SIPA1L1: variants seen among roughly 807,000 people sequenced by gnomAD.
SIPA1L1 encodes the protein signal-induced proliferation-associated 1-like protein 1.
Under a neutral mutation model 162.7 loss-of-function variants are expected in SIPA1L1, and 26 were observed. The ratio of observed to expected loss-of-function variants is 0.16; its 90% CI spans 0.12 to 0.22. The LOEUF is 0.22. Ranked by LOEUF, SIPA1L1 falls within the 10% of genes least tolerant of loss-of-function variation. The pLI, the probability that SIPA1L1 is intolerant of heterozygous loss-of-function variation, is 1.00. For missense variants in SIPA1L1, 1,874 were observed against 2,241.0 expected, an observed-to-expected ratio of 0.84 and a Z score of 3.31; for synonymous variants, 829 against 837.4, an observed-to-expected ratio of 0.99 and a Z score of 0.17.
chr14:71,517,893 TG>T (rs1478325731), intron 3 of SIPA1L1, among the ~76,000 whole-genome samples: 13 of 152,194 alleles, frequency 8.5e-5, no homozygotes, highest in African/African-American at 3.1e-4. Flanking sequence ...ACTTATATTT[TG>T]TTGATATGAT....
chr14:71,657,894 A>T (rs1330160699), intron 8 of SIPA1L1, among the ~76,000 whole-genome samples: 1 of 152,086 alleles, frequency 6.6e-6, no homozygotes, highest in African/African-American at 2.4e-5. Context: ...CTGTGATTTC[A>T]TTGCCAATAG....
chr14:71,602,289 A>G (rs1410238549), intron 5 of SIPA1L1, among the ~76,000 whole-genome samples: 1 of 151,736 alleles, frequency 6.6e-6, no homozygotes. Flanking sequence ...AAATTTCTTC[A>G]TTTTCTTTTT....
chr14:71,673,193 C>G (rs1023801535), intron 12 of SIPA1L1, among the ~76,000 whole-genome samples: 2 of 152,184 alleles, frequency 1.3e-5, no homozygotes, highest in African/African-American at 4.8e-5. Flanking sequence ...GAAGGGAAAA[C>G]CTAAGAGCTC....
At chr14:71,563,284 A>T (rs1313434715) in intron 4 of SIPA1L1, among the ~76,000 whole-genome samples, 9 of 148,974 alleles carry the variant, frequency 6.0e-5, no homozygotes, top group Non-Finnish European at 3.0e-5. Context: ...TTTTCTTTTA[A>T]ACTTGACAAT....
Position 71,491,761 on chromosome 14 carries a change from A to AACACACACACACACACAC in SIPA1L1, c.-464-20947_-464-20930dup, listed in dbSNP as rs59275638. Among the ~76,000 whole-genome samples the AACACACACACACACACAC allele has an allele frequency of 3.2e-3, 313 of 97,928 alleles. 3 individuals are homozygous for AACACACACACACACACAC. The highest frequency in any genetic ancestry group is 8.6e-3 in the East Asian group (20 of 2,332). 64.2% of individuals were successfully genotyped at this position (97,928 alleles called of 152,430 possible). A position where few individuals can be genotyped will look rare whatever the true frequency, so the allele number is the denominator to read the frequency against. Reference sequence around the variant, plus strand: ...GTTTCAGGCTTAATGTTTTATTTCAAACACACACACACACACACACACACA... The same window carrying AACACACACACACACACAC: ...GTTTCAGGCTTAATGTTTTATTTCAAACACACACACACACACACACACACACACACACACACACACACA... On this transcript the variant is annotated intron_variant, in intron 2 of 23. Transcript: ENST00000381232.
chr14:71,564,579 A>AG (rs1301247439), intron 4 of SIPA1L1, among the ~76,000 whole-genome samples: 2 of 140,508 alleles, frequency 1.4e-5, no homozygotes, highest in African/African-American at 5.4e-5. Context: ...TCTGCCTCCC[A>AG]GGGGTTCAGG....
At chr14:71,452,731 G>A (rs1452077266) in intron 2 of SIPA1L1, among the ~76,000 whole-genome samples, 2 of 152,138 alleles carry the variant, frequency 1.3e-5, no homozygotes, top group East Asian at 3.9e-4. Flanking sequence ...CCATTCTGGT[G>A]GGTATGAAGT....
chr14:71,380,911 C>T (rs527858400), intron 2 of SIPA1L1, among the ~76,000 whole-genome samples: 1 of 152,148 alleles, frequency 6.6e-6, no homozygotes, highest in South Asian at 2.1e-4. Context: ...CCTCTTAAAG[C>T]ATATTTCACA....
chr14:71,362,393 C>T (rs1385930373), intron 2 of SIPA1L1, among the ~76,000 whole-genome samples: 1 of 152,140 alleles, frequency 6.6e-6, no homozygotes, highest in Non-Finnish European at 1.5e-5. Flanking sequence ...CTCTTTCATT[C>T]CACTAAGGTA....
chr14:71,738,196 C>A, intron 22 of SIPA1L1, 45 bp from the exon 23 acceptor site: 1 of 1,034,276 alleles, frequency 9.7e-7, no homozygotes, highest in Non-Finnish European at 1.4e-6. Context: ...ACAAACCCAG[C>A]CATGGAGGCC....
chr14:71,481,754 T>C (rs752687625), intron 2 of SIPA1L1, among the ~76,000 whole-genome samples: 5 of 152,200 alleles, frequency 3.3e-5, no homozygotes, highest in Non-Finnish European at 7.3e-5. Flanking sequence ...TAACTGTAGG[T>C]GATCATAAAT....
At position 71,505,421 on chromosome 14, in the gene SIPA1L1, C is replaced by CTT. The variant is rs530843410; in HGVS notation, c.-464-7307_-464-7306dup. ...GGGATCTCACAGCTCTCTCTTTCTT[C>CTT]TTTTTTTTTTTTTTTTAGCACTGTC... On this transcript the variant is annotated intron_variant, in intron 2 of 23. Transcript: ENST00000381232. Among the ~76,000 whole-genome samples, 438 of 128,568 alleles carry CTT rather than the reference C, an allele frequency of 3.4e-3. 5 individuals are homozygous for CTT. The highest frequency in any genetic ancestry group is 9.3e-3 in the African/African-American group (329 of 35,188). The allele number at this position is 128,568 out of a possible 152,430, so 84.3% of individuals were successfully genotyped here. A position where few individuals can be genotyped will look rare whatever the true frequency, so the allele number is the denominator to read the frequency against.
chr14:71,427,430 G>A (rs1283857397), intron 2 of SIPA1L1, among the ~76,000 whole-genome samples: 1 of 152,170 alleles, frequency 6.6e-6, no homozygotes, highest in Admixed American at 6.5e-5. Flanking sequence ...TGTATGTGAT[G>A]AGTTGCTTTT....
intron 13 of SIPA1L1, among the ~76,000 whole-genome samples, chr14:71,692,764 C>G (rs996321668): frequency 3.3e-5 from 5 of 152,154 alleles, no homozygotes. Flanking sequence ...CCTTGGGCCT[C>G]GAAAGTAGCT....
intron 12 of SIPA1L1, among the ~76,000 whole-genome samples, chr14:71,684,754 G>A (rs1056291427): frequency 5.3e-5 from 8 of 152,120 alleles, no homozygotes; most frequent in African/African-American, 1.7e-4. Context: ...GATGTGCAGT[G>A]GCAGGTGTGT....
intron 5 of SIPA1L1, among the ~76,000 whole-genome samples, chr14:71,594,786 T>G (rs1392812447): frequency 1.3e-5 from 2 of 152,258 alleles, no homozygotes; most frequent in African/African-American, 4.8e-5. Flanking sequence ...ATATAATCTA[T>G]GTAATTCATT....
intron 10 of SIPA1L1, among the ~76,000 whole-genome samples, chr14:71,662,950 C>T (rs1032349136): frequency 2.0e-5 from 3 of 152,320 alleles, no homozygotes; most frequent in African/African-American, 7.2e-5. Flanking sequence ...TACCACTTGA[C>T]AGGTAGAAAG....
chr14:71,685,482 G>A lies in SIPA1L1; in HGVS notation c.3225G>A (p.Gly1075=), dbSNP rs370199328. 3.1e-6 allele frequency: 5 copies of A among 1,614,214 alleles called. No homozygotes were observed. The highest frequency in any genetic ancestry group is 4.2e-6 in the Non-Finnish European group (5 of 1,180,032). ...NNKWQRNASK[G]PHSPQVPSQV... ...AGTGGCAGAGGAACGCCAGCAAGGG[G>A]CCTCATTCACCTCAAGTCCCGTCCC... Residue 1075 remains glycine (G), a synonymous_variant, in exon 13 of 24, where the codon GGG becomes GGA. Coordinates refer to ENST00000381232, the MANE Select transcript of SIPA1L1 (RefSeq NM_001386936.1).
chr14:71,474,688 A>G (rs1249121363), intron 2 of SIPA1L1, among the ~76,000 whole-genome samples: 1 of 152,212 alleles, frequency 6.6e-6, no homozygotes, highest in African/African-American at 2.4e-5. Flanking sequence ...AGTCCCTCCT[A>G]TCAGTACGTA....
Sources: gnomAD v4.1 joint callset for allele counts (sites outside exome capture counted in the v4.1 genomes callset) on GRCh38, gnomAD v4.1.1 for gene constraint, MANE v1.5 for transcripts, NCBI Gene and HGNC (gene_info 2026-07-23, HGNC 2026-07-21) for gene names.